The following MPV17L2 variants were observed in gnomAD, a reference collection of about 807,000 sequenced individuals.
MPV17L2 encodes the protein mpv17-like protein 2.
In MPV17L2, 25 loss-of-function variants were observed where a neutral mutation model predicts 24.2. The observed-to-expected ratio is 1.03, with a 90% CI of 0.75 to 1.44. MPV17L2 has a LOEUF of 1.44. Ranked by LOEUF, MPV17L2 falls within the 40% of genes most tolerant of loss-of-function variation. The pLI, the probability that MPV17L2 is intolerant of heterozygous loss-of-function variation, is 0.00. For synonymous variants in MPV17L2, 130 were observed against 121.4 expected, an observed-to-expected ratio of 1.07 and a Z score of -0.46; for missense variants, 271 against 276.2, an observed-to-expected ratio of 0.98 and a Z score of 0.13.
intron 4 of MPV17L2, 79 bp downstream of exon 4, chr19:18,195,165 C>A: frequency 6.5e-7 from 1 of 1,550,162 alleles, no homozygotes; most frequent in Non-Finnish European, 8.7e-7. Context: ...GCAGTGTAGC[C>A]AGCCACCCTG....
chr19:18,195,194 T>C (rs1298476625), intron 4 of MPV17L2, 108 bp downstream of exon 4: 1 of 1,497,710 alleles, frequency 6.7e-7, no homozygotes, highest in Non-Finnish European at 8.9e-7. Flanking sequence ...GAGTCTCCTG[T>C]GCTCCTGACA....
rs925086935 is a variant in MPV17L2, at chr19:18,196,777, C to G, written c.*722C>G. 2.2e-5 allele frequency: 7 copies of G among 317,894 alleles called. No individual in the cohort carries two copies. The highest frequency in any genetic ancestry group is 4.3e-5 in the Non-Finnish European group (7 of 162,724). 19.7% of individuals were successfully genotyped at this position (317,894 alleles called of 1,614,324 possible). On this transcript the variant is annotated 3_prime_UTR_variant, in exon 5 of 5. Transcript: ENST00000599612. ...TGATCAAAACCAGGGTGGGCAGGAC[C>G]CGGTGCTCACAGGGACACACATGGA...
intron 1 of MPV17L2, 140 bp from the exon 2 acceptor site, chr19:18,193,724 T>C (rs1207816995): frequency 3.4e-6 from 5 of 1,471,244 alleles, no homozygotes; most frequent in Non-Finnish European, 4.5e-6. Context: ...AATGCACGGG[T>C]GGGCTCTTCC....
intron 4 of MPV17L2, among the ~76,000 whole-genome samples, 198 bp from the exon 5 acceptor site, chr19:18,195,801 C>T (rs564275060): frequency 1.3e-5 from 2 of 152,364 alleles, no homozygotes; most frequent in South Asian, 4.1e-4. Flanking sequence ...CGCGCCACTG[C>T]ACTCCAGCCT....
intron 4 of MPV17L2, among the ~76,000 whole-genome samples, chr19:18,195,487 G>C (rs1213004150): frequency 6.6e-6 from 1 of 151,264 alleles, no homozygotes; most frequent in Non-Finnish European, 1.5e-5. Flanking sequence ...AGTGAGCCAA[G>C]ATCATGCCAC....
In MPV17L2 at chr19:18,196,059, G is replaced by T; in HGVS notation, c.*4G>T. ...CCTGGACACCCGAGCAGACTGAACT[G>T]TCTGCTTCCTGGACCAGATGCAAGA... On this transcript the variant is annotated 3_prime_UTR_variant, in exon 5 of 5. Transcript: ENST00000599612. 1 of 1,614,080 alleles carries T rather than the reference G, an allele frequency of 6.2e-7. No homozygotes were observed. Among genetic ancestry groups the T allele is most frequent in the African/African-American group, 1.3e-5 (1 of 75,050 alleles).
Position 18,194,823 on chromosome 19 carries a change from G to A in MPV17L2, c.405G>A (p.Glu135=). ...EGQTVGESCQ[E]LREKFWEFYK... ...AGACAGTGGGTGAGAGCTGCCAGGA[G>A]CTGCGGGAGAAGTTCTGGGAATTCT... is the stretch of plus-strand genomic sequence containing the variant. The change falls in exon 3 of 5, where the codon GAG becomes GAA. Residue 135 remains glutamate, a synonymous_variant. Transcript: ENST00000599612. 6.2e-7 allele frequency: 1 copy of A among 1,610,330 alleles called. No homozygotes were observed. The highest frequency in any genetic ancestry group is 1.1e-5 in the South Asian group (1 of 90,442).
At chr19:18,193,693 T>C (rs777897582) in intron 1 of MPV17L2, 171 bp from the exon 2 acceptor site, 127 of 1,436,006 alleles carry the variant, frequency 8.8e-5, no homozygotes, top group Non-Finnish European at 1.1e-4. Context: ...CCGCGCCTCC[T>C]GGTGGGGCTT....
At chr19:18,195,232 G>T (rs979318452) in intron 4 of MPV17L2, 146 bp downstream of exon 4, 93 of 1,360,948 alleles carry the variant, frequency 6.8e-5, no homozygotes, top group Non-Finnish European at 8.5e-5. Context: ...GGCTGGCGGA[G>T]AGCTCCTCAC....
Position 18,195,092 on chromosome 19 carries a change from T to C in MPV17L2, c.564+6T>C, listed in dbSNP as rs1347091806. The C allele has an allele frequency of 6.2e-7, 1 of 1,613,236 alleles. No homozygotes were observed. The highest frequency in any genetic ancestry group is 8.5e-7 in the Non-Finnish European group (1 of 1,179,554). On this transcript the variant is annotated splice_donor_region_variant and intron_variant, in intron 4 of 4. Coordinates refer to ENST00000599612, the MANE Select transcript of MPV17L2 (RefSeq NM_032683.3). ...TGTCCTACTTGAAGTACCGGGTGAG[T>C]GTGGAGGGCATACCAGGCACCCAGG...
In MPV17L2 at chr19:18,196,671, C is replaced by T. The variant is rs1409518861; in HGVS notation, c.*616C>T. The T allele has an allele frequency of 2.9e-6, 1 of 345,322 alleles. No individual in the cohort carries two copies. The highest frequency in any genetic ancestry group is 5.7e-6 in the Non-Finnish European group (1 of 174,456). The allele number at this position is 345,322 out of a possible 1,614,324, so 21.4% of individuals were successfully genotyped here. On this transcript the variant is annotated 3_prime_UTR_variant, in exon 5 of 5. Coordinates refer to ENST00000599612, the MANE Select transcript of MPV17L2 (RefSeq NM_032683.3). ...GAAGGATTGCTCGAGGCCAGGTGTT[C>T]GAGACCAGCCTGGGCAACATAGCAA...
intron 4 of MPV17L2, 24 bp downstream of exon 4, chr19:18,195,110 C>T: frequency 1.9e-6 from 3 of 1,610,094 alleles, no homozygotes; most frequent in South Asian, 1.1e-5. Context: ...GCATACCAGG[C>T]ACCCAGGGGA....
In MPV17L2 at chr19:18,196,028, T is replaced by C; in HGVS notation, c.594T>C (p.Cys198=). Residue 198 remains cysteine, a synonymous_variant, in exon 5 of 5, where the codon TGT becomes TGC. Coordinates refer to ENST00000599612, the MANE Select transcript of MPV17L2 (RefSeq NM_032683.3). ...CAGTTCCTCTGACACCCCCAGGCTG[T>C]GTGGCCCTGGACACCCGAGCAGACT... The part of the protein sequence containing the change: ...RSPVPLTPPG[C]VALDTRAD 6.2e-7 allele frequency: 1 copy of C among 1,613,542 alleles called. No individual in the cohort carries two copies. Among genetic ancestry groups the C allele is most frequent in the African/African-American group, 1.3e-5 (1 of 75,048 alleles).
chr19:18,196,146 G>A lies in MPV17L2; in HGVS notation c.*91G>A. 1 of 1,601,442 alleles carries A rather than the reference G, an allele frequency of 6.2e-7. No homozygotes were observed. Among genetic ancestry groups the A allele is most frequent in the Middle Eastern group, 1.7e-4 (1 of 6,044 alleles). On this transcript the variant is annotated 3_prime_UTR_variant, in exon 5 of 5. Coordinates refer to ENST00000599612, the MANE Select transcript of MPV17L2 (RefSeq NM_032683.3). ...GAATGGGCTCCTGCAGCAAGCTCGG[G>A]TCTTGAGCCACGTCCCAGCACCACT...
In MPV17L2 at chr19:18,193,343, A is replaced by G. The variant is rs1427787970; in HGVS notation, c.62A>G (p.Gln21Arg). 1 of 1,563,940 alleles carries G rather than the reference A, an allele frequency of 6.4e-7. No homozygotes were observed. Among genetic ancestry groups the G allele is most frequent in the Admixed American group, 1.8e-5 (1 of 54,918 alleles). Residue 21 changes from glutamine to arginine, a missense_variant, in exon 1 of 5, where the codon CAG (glutamine) becomes CGG (arginine). Coordinates refer to ENST00000599612, the MANE Select transcript of MPV17L2 (RefSeq NM_032683.3). ...RLLSAGQLLFQGRALLVTNTL... is the reference protein window; with the variant it reads ...RLLSAGQLLFRGRALLVTNTL... ...TTATCCGCGGGGCAGCTTCTATTCCAGGGCCGCGCGCTGCTCGTCACTAAC... is the reference window on the plus strand; with the variant it reads ...TTATCCGCGGGGCAGCTTCTATTCCGGGGCCGCGCGCTGCTCGTCACTAAC...
intron 4 of MPV17L2, 93 bp from the exon 5 acceptor site, chr19:18,195,906 T>G (rs1018988096): frequency 8.0e-7 from 1 of 1,250,586 alleles, no homozygotes. Flanking sequence ...GCCAAGTCTG[T>G]TGAGCAGGGC....
chr19:18,195,926 G>A, intron 4 of MPV17L2, 73 bp from the exon 5 acceptor site: 1 of 1,473,760 alleles, frequency 6.8e-7, no homozygotes, highest in Non-Finnish European at 9.3e-7. Context: ...CTGACCTCTG[G>A]CCCAAGGGCA....
In MPV17L2 at chr19:18,196,654, G is replaced by C; in HGVS notation, c.*599G>C. ...TTCCCGAGGCTGAGGTGGAAGGATT[G>C]CTCGAGGCCAGGTGTTCGAGACCAG... On this transcript the variant is annotated 3_prime_UTR_variant, in exon 5 of 5. Transcript: ENST00000599612. The C allele has an allele frequency of 2.8e-6, 1 of 358,176 alleles. No individual in the cohort carries two copies. Among genetic ancestry groups the C allele is most frequent in the Non-Finnish European group, 5.4e-6 (1 of 184,306 alleles). 22.2% of individuals were successfully genotyped at this position (358,176 alleles called of 1,614,324 possible).
At position 18,193,430 on chromosome 19, in the gene MPV17L2, G is replaced by C. The variant is rs762233433; in HGVS notation, c.149G>C (p.Arg50Pro). 1 of 1,551,780 alleles carries C rather than the reference G, an allele frequency of 6.4e-7. No individual in the cohort carries two copies. Residue 50 changes from arginine to proline, a missense_variant, in exon 1 of 5, where the codon CGC becomes CCC. Transcript: ENST00000599612. ...GDGVRQSWEI[R>P]ARPGQVFDPR... ...GGCGTGCGCCAGTCCTGGGAGATCC[G>C]CGCCCGGCCCGGCCAGGTTTTCGAC...
Sources: allele counts gnomAD v4.1 joint callset (sites outside exome capture counted in the v4.1 genomes callset), GRCh38; gene constraint gnomAD v4.1.1; transcripts MANE v1.5; gene names NCBI Gene and HGNC (gene_info 2026-07-23, HGNC 2026-07-21).